Variants in MLLT10 observed in about 807,000 individuals in gnomAD.
The protein encoded by MLLT10 is MLLT10 histone lysine methyltransferase DOT1L cofactor.
A neutral mutation model predicts 129.1 loss-of-function variants in MLLT10; 30 were observed. The ratio of observed to expected loss-of-function variants is 0.23; its 90% CI spans 0.17 to 0.32. The LOEUF is 0.32. Among genes scored for constraint, MLLT10 ranks in the 10% least tolerant of loss-of-function variants. The probability of loss-of-function intolerance (pLI) is 1.00; values close to 1 mark genes in which losing one functional copy is unlikely to be tolerated. For missense variants in MLLT10, 1,119 were observed against 1,268.3 expected, an observed-to-expected ratio of 0.88 and a Z score of 1.79; for synonymous variants, 490 against 446.4, an observed-to-expected ratio of 1.10 and a Z score of -1.23.
chr10:21,649,529 A>T (rs1203884111), intron 8 of MLLT10, among the ~76,000 whole-genome samples: 3 of 152,168 alleles, frequency 2.0e-5, no homozygotes, highest in Non-Finnish European at 2.9e-5. Flanking sequence ...TCTTTCTTCC[A>T]TGTGGTATCT....
rs77532240 is a variant in MLLT10 at position 21,738,305 on chromosome 10, A to C, written c.2956-1725A>C. ...TCTTAAATGCTGACACTAAGATGGG[A>C]TCTTGTTTTTTCTTACCAGTTGCCT... On this transcript the variant is annotated intron_variant, in intron 21 of 22. Transcript: ENST00000307729. 6.8e-3 allele frequency: 5,816 copies of C among 851,814 alleles called. 240 individuals are homozygous for C. The African/African-American group carries it at 0.095, about 14-fold the overall frequency. The allele number at this position is 851,814 out of a possible 1,614,324, so 52.8% of individuals were successfully genotyped here. A position where few individuals can be genotyped will look rare whatever the true frequency, so the allele number is the denominator to read the frequency against.
intron 11 of MLLT10, among the ~76,000 whole-genome samples, chr10:21,674,180 C>A (rs549743883): frequency 6.6e-6 from 1 of 151,928 alleles, no homozygotes; most frequent in Admixed American, 6.6e-5. Flanking sequence ...ATCTATTGGT[C>A]ATTCATTACT....
chr10:21,568,286 A>G (rs1373683463), intron 3 of MLLT10, among the ~76,000 whole-genome samples: 1 of 152,186 alleles, frequency 6.6e-6, no homozygotes, highest in Non-Finnish European at 1.5e-5. Flanking sequence ...CCTTCTCTCC[A>G]CCTTTCAGAG....
At chr10:21,585,334 T>A (rs2041892745) in intron 3 of MLLT10, among the ~76,000 whole-genome samples, 1 of 152,198 alleles carries the variant, frequency 6.6e-6, no homozygotes, top group South Asian at 2.1e-4. Context: ...ACAGTGCCAC[T>A]GAAACTTACT....
chr10:21,681,485 A>G (rs2052731701), intron 12 of MLLT10, 109 bp downstream of exon 12: 3 of 714,368 alleles, frequency 4.2e-6, no homozygotes, highest in Non-Finnish European at 7.0e-6. Context: ...CCAAAATGCA[A>G]GTTTTTCTTA....
chr10:21,686,843 G>A (rs185612654), intron 13 of MLLT10, among the ~76,000 whole-genome samples: 8 of 152,196 alleles, frequency 5.3e-5, no homozygotes, highest in African/African-American at 7.2e-5. Context: ...TTAGCCAGAC[G>A]TGATGGTGCG....
intron 3 of MLLT10, among the ~76,000 whole-genome samples, chr10:21,583,792 A>C (rs2041705820): frequency 1.3e-5 from 2 of 152,292 alleles, no homozygotes; most frequent in African/African-American, 4.8e-5. Context: ...ACCTTTTGCT[A>C]GTTTCCACCT....
intron 5 of MLLT10, among the ~76,000 whole-genome samples, chr10:21,603,219 ATTT>A (rs75168518): frequency 1.6e-5 from 2 of 128,658 alleles, no homozygotes; most frequent in Non-Finnish European, 3.3e-5. Flanking sequence ...TGCTCGGCTA[ATTT>A]TTTTTTTTTT....
At chr10:21,730,284 G>A (rs1355786421) in intron 16 of MLLT10, among the ~76,000 whole-genome samples, 3 of 134,150 alleles carry the variant, frequency 2.2e-5, no homozygotes, top group Admixed American at 8.2e-5. Flanking sequence ...CATGGCTGAC[G>A]AAGTGAGACC....
At chr10:21,574,109 G>A (rs1388213029) in intron 3 of MLLT10, among the ~76,000 whole-genome samples, 5 of 152,120 alleles carry the variant, frequency 3.3e-5, no homozygotes, top group Non-Finnish European at 5.9e-5. Context: ...GAAAAAATCT[G>A]AGTCTAGAGT....
intron 9 of MLLT10, among the ~76,000 whole-genome samples, chr10:21,659,661 C>T (rs1007680088): frequency 3.9e-5 from 6 of 151,962 alleles, no homozygotes; most frequent in Non-Finnish European, 7.4e-5. Context: ...TAGGTGCCCA[C>T]CACCACGCCT....
At chr10:21,688,526 C>G (rs370442782) in intron 13 of MLLT10, 3 of 1,612,412 alleles carry the variant, frequency 1.9e-6, no homozygotes, top group Non-Finnish European at 2.5e-6. Flanking sequence ...AAAGCAAGAA[C>G]TTAAATTCAT....
intron 13 of MLLT10, among the ~76,000 whole-genome samples, chr10:21,689,120 T>C (rs2053573680): frequency 6.6e-6 from 1 of 152,098 alleles, no homozygotes; most frequent in Non-Finnish European, 1.5e-5. Flanking sequence ...ACTTTCCTTC[T>C]TGAGACTGTC....
intron 13 of MLLT10, among the ~76,000 whole-genome samples, chr10:21,698,935 C>T (rs2131463871): frequency 6.6e-6 from 1 of 152,298 alleles, no homozygotes; most frequent in Non-Finnish European, 1.5e-5. Context: ...AGTGCAGTGG[C>T]ACAATCTTGG....
intron 13 of MLLT10, among the ~76,000 whole-genome samples, chr10:21,707,254 G>A (rs1421066341): frequency 1.4e-5 from 2 of 147,694 alleles, no homozygotes; most frequent in Non-Finnish European, 3.0e-5. Flanking sequence ...GTGCAGTGGC[G>A]CGATCTCGAC....
In MLLT10 at chr10:21,730,890, T is replaced by A. The variant is rs757135165; in HGVS notation, c.2064-10T>A. 6.2e-7 allele frequency: 1 copy of A among 1,614,092 alleles called. No individual in the cohort carries two copies. The highest frequency in any genetic ancestry group is 1.7e-5 in the Admixed American group (1 of 60,014). On this transcript the variant is annotated splice_polypyrimidine_tract_variant and intron_variant, in intron 16 of 22. Transcript: ENST00000307729. ...CCCCTTCTTTTTAACTTGAGAATTGTTTTCAACAGATCCCCTGTAAGCAGC... is the reference window on the plus strand; with the variant it reads ...CCCCTTCTTTTTAACTTGAGAATTGATTTCAACAGATCCCCTGTAAGCAGC...
At chr10:21,593,801 C>A (rs866026142) in intron 4 of MLLT10, among the ~76,000 whole-genome samples, 3 of 151,540 alleles carry the variant, frequency 2.0e-5, no homozygotes, top group Non-Finnish European at 4.4e-5. Context: ...GTGGTGGGCA[C>A]CTGTAATCCC....
intron 8 of MLLT10, among the ~76,000 whole-genome samples, chr10:21,646,012 C>G (rs1482847716): frequency 6.6e-6 from 1 of 152,144 alleles, no homozygotes; most frequent in Non-Finnish European, 1.5e-5. Context: ...CGAGACCAGC[C>G]TGGCCAACAT....
chr10:21,732,269 T>C (rs2058031272), intron 17 of MLLT10, among the ~76,000 whole-genome samples: 1 of 152,182 alleles, frequency 6.6e-6, no homozygotes, highest in Non-Finnish European at 1.5e-5. Context: ...ATTGAAGTAC[T>C]TGAGGTGATG....
Sources: allele counts gnomAD v4.1 joint callset (sites outside exome capture counted in the v4.1 genomes callset), GRCh38; gene constraint gnomAD v4.1.1; transcripts MANE v1.5; gene names NCBI Gene and HGNC (gene_info 2026-07-23, HGNC 2026-07-21).